The following TULP4 variants were observed in gnomAD, a reference collection of about 807,000 sequenced individuals.
TULP4 encodes the protein TUB like protein 4.
TULP4 carries 16 observed loss-of-function variants against 129.0 expected under a neutral mutation model. That is an observed-to-expected ratio of 0.12 (90% confidence interval 0.08 to 0.19). The LOEUF (loss-of-function observed/expected upper bound fraction) is 0.19. Ranked by LOEUF, TULP4 falls within the 10% of genes least tolerant of loss-of-function variation. TULP4 has a pLI of 1.00. For synonymous variants in TULP4, 998 were observed against 854.0 expected (o/e 1.17, Z -2.94); for missense variants, 1,842 against 2,059.1 (o/e 0.89, Z 2.04).
chr6:158,235,401 A>G (rs1218072252), intron 1 of TULP4, among the ~76,000 whole-genome samples: 3 of 152,112 alleles, frequency 2.0e-5, no homozygotes, highest in African/African-American at 7.2e-5. Context: ...TAGGTACCTC[A>G]TGTAAGTGCA....
At chr6:158,248,064 C>A (rs577385333) in intron 1 of TULP4, among the ~76,000 whole-genome samples, 1 of 152,172 alleles carries the variant, frequency 6.6e-6, no homozygotes, top group Admixed American at 6.5e-5. Context: ...CTGACATTTT[C>A]GGCAGAGTTA....
At chr6:158,347,243 T>C (rs1780334796) in intron 1 of TULP4, among the ~76,000 whole-genome samples, 1 of 152,236 alleles carries the variant, frequency 6.6e-6, no homozygotes, top group Admixed American at 6.5e-5. Context: ...AACTGAAAAG[T>C]AGAAATTTGT....
chr6:158,242,587 G>C, intron 1 of TULP4: 1 of 721,732 alleles, frequency 1.4e-6, no homozygotes, highest in Admixed American at 1.9e-5. Context: ...TCAAAGGAGA[G>C]AGAGTTATTG....
At chr6:158,345,264 T>C (rs1780274013) in intron 1 of TULP4, among the ~76,000 whole-genome samples, 1 of 152,206 alleles carries the variant, frequency 6.6e-6, no homozygotes, top group African/African-American at 2.4e-5. Context: ...CCTCCCTGCC[T>C]TAGCCTTCCA....
chr6:158,259,550 C>G (rs1778311814), intron 1 of TULP4, among the ~76,000 whole-genome samples: 1 of 152,212 alleles, frequency 6.6e-6, no homozygotes, highest in Non-Finnish European at 1.5e-5. Context: ...TTTTGAACCA[C>G]TATTAACTAA....
intron 3 of TULP4, among the ~76,000 whole-genome samples, chr6:158,432,927 A>C (rs192547629): frequency 1.3e-5 from 2 of 152,302 alleles, no homozygotes; most frequent in East Asian, 3.9e-4. Context: ...ATATATTTCA[A>C]CATGTGTTTC....
chr6:158,323,060 G>A (rs766730932), intron 1 of TULP4, among the ~76,000 whole-genome samples: 16 of 152,134 alleles, frequency 1.1e-4, no homozygotes, highest in Non-Finnish European at 2.1e-4. Flanking sequence ...AGGACACTTC[G>A]TTCCCCAGCC....
chr6:158,301,631 ACAC>A (rs1779132439), intron 1 of TULP4, among the ~76,000 whole-genome samples: 2 of 152,198 alleles, frequency 1.3e-5, no homozygotes, highest in Admixed American at 6.5e-5. Flanking sequence ...GAGGAAGAAA[ACAC>A]CACTCCACTA....
intron 1 of TULP4, among the ~76,000 whole-genome samples, chr6:158,376,058 C>G (rs1346341453): frequency 6.6e-6 from 1 of 152,174 alleles, no homozygotes; most frequent in East Asian, 1.9e-4. Flanking sequence ...GAAGTGAGGA[C>G]AGCAGCTGGA....
chr6:158,384,918 G>T (rs1049930270), intron 1 of TULP4, among the ~76,000 whole-genome samples: 1 of 152,182 alleles, frequency 6.6e-6, no homozygotes, highest in African/African-American at 2.4e-5. Flanking sequence ...AAAATCAAAT[G>T]ATCTGCTTGG....
intron 6 of TULP4, among the ~76,000 whole-genome samples, chr6:158,474,438 C>G (rs1367232124): frequency 2.0e-5 from 3 of 152,264 alleles, no homozygotes; most frequent in Admixed American, 6.5e-5. Context: ...TCAGAAGACT[C>G]TATCCAACTC....
chr6:158,428,805 C>T (rs1351398185), intron 2 of TULP4, among the ~76,000 whole-genome samples: 1 of 152,088 alleles, frequency 6.6e-6, no homozygotes, highest in Non-Finnish European at 1.5e-5. Context: ...GCCAGATATT[C>T]CTGGGATTTT....
At chr6:158,498,493 G>T (rs540904598) in intron 11 of TULP4, among the ~76,000 whole-genome samples, 176 bp from the exon 12 acceptor site, 1 of 152,192 alleles carries the variant, frequency 6.6e-6, no homozygotes, top group South Asian at 2.1e-4. Context: ...TAGTATGGTC[G>T]CATTGAGTAC....
At chr6:158,244,060 T>G in intron 1 of TULP4, among the ~76,000 whole-genome samples, 1 of 152,206 alleles carries the variant, frequency 6.6e-6, no homozygotes, top group Non-Finnish European at 1.5e-5. Context: ...CGCATAACAT[T>G]ATGAACGCCT....
intron 1 of TULP4, among the ~76,000 whole-genome samples, chr6:158,276,751 A>G (rs1020690758): frequency 6.6e-6 from 1 of 152,096 alleles, no homozygotes; most frequent in Admixed American, 6.5e-5. Context: ...TTCTCTGCAG[A>G]CCTACCAAGG....
Position 158,502,648 on chromosome 6 carries a change from G to A in TULP4, c.2985G>A (p.Thr995=), listed in dbSNP as rs557337955. ...ATLRRNNREA[T]LKMAQLADSP... is the part of the protein sequence containing the mutation. The stretch of plus-strand genomic sequence containing the variant: ...TGCGGAGGAACAACCGTGAGGCTAC[G>A]CTCAAGATGGCCCAGCTGGCCGACA... The change falls in exon 13 of 14, where the codon ACG becomes ACA. Residue 995 remains threonine (T), a synonymous_variant. Coordinates refer to ENST00000367097, the MANE Select transcript of TULP4 (RefSeq NM_020245.5). The A allele has an allele frequency of 7.0e-6, 11 of 1,577,028 alleles. No individual in the cohort carries two copies. The highest frequency in any genetic ancestry group is 1.3e-5 in the African/African-American group (1 of 74,590).
At chr6:158,278,193 G>C (rs1778680355), upstream of TULP4, among the ~76,000 whole-genome samples, 1 of 152,206 alleles carries the variant, frequency 6.6e-6, no homozygotes, top group Non-Finnish European at 1.5e-5. Flanking sequence ...AAGTATTGGG[G>C]AAAGTGTAAG....
intron 12 of TULP4, 54 bp from the exon 13 acceptor site, chr6:158,501,624 C>T: frequency 1.3e-6 from 2 of 1,534,632 alleles, no homozygotes; most frequent in Non-Finnish European, 1.8e-6. Context: ...TTATCCTGAT[C>T]TGGTTTAATG....
intron 3 of TULP4, among the ~76,000 whole-genome samples, chr6:158,434,548 A>G (rs946485164): frequency 6.6e-5 from 10 of 152,202 alleles, no homozygotes; most frequent in African/African-American, 2.4e-4. Flanking sequence ...CGAATGTTTC[A>G]TTGTCTGTGT....
Sources: gnomAD v4.1 joint callset for allele counts (sites outside exome capture counted in the v4.1 genomes callset) on GRCh38, gnomAD v4.1.1 for gene constraint, MANE v1.5 for transcripts, NCBI Gene and HGNC (gene_info 2026-07-23, HGNC 2026-07-21) for gene names.